The following PTPN4 variants were observed in gnomAD, a reference collection of about 807,000 sequenced individuals.
PTPN4 encodes protein tyrosine phosphatase non-receptor type 4.
In PTPN4, 49 loss-of-function variants were observed where a neutral mutation model predicts 135.5. The ratio of observed to expected loss-of-function variants is 0.36; its 90% confidence interval spans 0.29 to 0.46. The LOEUF is 0.46. PTPN4 is among the 20% of genes least tolerant of loss of function. The probability of loss-of-function intolerance (pLI) is 1.00; values close to 1 mark genes in which losing one functional copy is unlikely to be tolerated. For synonymous variants in PTPN4, 333 were observed against 369.9 expected (o/e 0.90, Z 1.14); for missense variants, 860 against 1,101.0 (o/e 0.78, Z 3.10).
At chr2:119,839,947 C>G (rs1677356029) in intron 2 of PTPN4, among the ~76,000 whole-genome samples, 1 of 152,108 alleles carries the variant, frequency 6.6e-6, no homozygotes, top group South Asian at 2.1e-4. Flanking sequence ...GAGGGGAAAA[C>G]AGGAAGGCCA....
At chr2:119,859,751 C>T (rs1677733730) in intron 2 of PTPN4, among the ~76,000 whole-genome samples, 1 of 152,196 alleles carries the variant, frequency 6.6e-6, no homozygotes, top group African/African-American at 2.4e-5. Context: ...CTACTCGGTA[C>T]TGTTTGGAAG....
chr2:119,872,800 ATGAGT>A (rs1677931785), intron 3 of PTPN4, among the ~76,000 whole-genome samples: 1 of 152,216 alleles, frequency 6.6e-6, no homozygotes, highest in Admixed American at 6.5e-5. Flanking sequence ...CAAATAATGA[ATGAGT>A]TAAGGGAAAA....
At chr2:119,913,087 T>G (rs563635168) in intron 10 of PTPN4, among the ~76,000 whole-genome samples, 80 of 152,330 alleles carry the variant, frequency 5.3e-4, no homozygotes, top group African/African-American at 1.8e-3. Context: ...CTGAATAATT[T>G]TCCATTTTAT....
chr2:119,773,561 C>G (rs1241466830), intron 1 of PTPN4, among the ~76,000 whole-genome samples: 1 of 151,776 alleles, frequency 6.6e-6, no homozygotes, highest in Non-Finnish European at 1.5e-5. Flanking sequence ...CATGGTGAAA[C>G]CCTGCATCTA....
intron 10 of PTPN4, among the ~76,000 whole-genome samples, chr2:119,908,315 G>C (rs1678518981): frequency 6.6e-6 from 1 of 152,106 alleles, no homozygotes; most frequent in South Asian, 2.1e-4. Context: ...TCAAATTGAA[G>C]GTTTGTGGCA....
chr2:119,928,617 C>T (rs942435193), intron 13 of PTPN4, among the ~76,000 whole-genome samples: 2 of 152,104 alleles, frequency 1.3e-5, no homozygotes, highest in Admixed American at 6.5e-5. Flanking sequence ...AATCTTCACA[C>T]CTAAATTACT....
At position 119,899,271 on chromosome 2, in the gene PTPN4, G is replaced by A. The variant is rs1043353162; in HGVS notation, c.676-1447G>A. ...TTGGAGTGGGATTATGGGACTGTTC[G>A]GAGTTAATTACCACAGCTGCTCCCT... On this transcript the variant is annotated intron_variant, in intron 9 of 26. Coordinates refer to ENST00000263708, the MANE Select transcript of PTPN4 (RefSeq NM_002830.4). Among the ~76,000 whole-genome samples the A allele has an allele frequency of 7.9e-5, 12 of 152,180 alleles. No homozygotes were observed. In the East Asian group the frequency reaches 1.9e-3, roughly 24 times the overall value.
At chr2:119,938,936 T>C (rs558194266) in intron 15 of PTPN4, among the ~76,000 whole-genome samples, 53 of 152,322 alleles carry the variant, frequency 3.5e-4, no homozygotes, top group African/African-American at 1.2e-3. Flanking sequence ...TATCATAGTG[T>C]TTACGAGCAC....
intron 26 of PTPN4, among the ~76,000 whole-genome samples, chr2:119,974,748 C>A (rs867388230): frequency 6.6e-6 from 1 of 152,168 alleles, no homozygotes; most frequent in Admixed American, 6.6e-5. Context: ...CCTCTGAGCA[C>A]TAAGGACTTT....
In PTPN4 at chr2:119,774,756, G is replaced by A. The variant is rs561300764; in HGVS notation, c.-18+14372G>A. Among the ~76,000 whole-genome samples, 145 of 152,140 alleles carry A rather than the reference G, an allele frequency of 9.5e-4. 2 individuals carry two copies. Among genetic ancestry groups the A allele is most frequent in the African/African-American group, 3.2e-3 (132 of 41,548 alleles). The stretch of plus-strand genomic sequence containing the variant: ...AGAAAATCACTGAGGGCCAGGCATG[G>A]TGGCTTATGCCTATAATCCCAGCAC... On this transcript the variant is annotated intron_variant, in intron 1 of 26. Transcript: ENST00000263708.
chr2:119,924,272 G>A, intron 12 of PTPN4, among the ~76,000 whole-genome samples: 1 of 151,078 alleles, frequency 6.6e-6, no homozygotes, highest in East Asian at 1.9e-4. Flanking sequence ...TAATATGAAT[G>A]GCAGTCTTTT....
At chr2:119,896,656 GT>G (rs1678328246) in intron 9 of PTPN4, among the ~76,000 whole-genome samples, 1 of 151,880 alleles carries the variant, frequency 6.6e-6, no homozygotes, top group Admixed American at 6.6e-5. Flanking sequence ...ATATATTTTT[GT>G]TTTTATTTAT....
At chr2:119,876,839 A>C (rs918624064) in intron 3 of PTPN4, among the ~76,000 whole-genome samples, 3 of 150,198 alleles carry the variant, frequency 2.0e-5, no homozygotes, top group African/African-American at 7.3e-5. Context: ...ATTTCTCCTC[A>C]GTGGATTTTC....
rs372422185 is a variant in PTPN4 at position 119,980,405 on chromosome 2, G to A, written c.*3335G>A. 3 of 152,152 alleles carry A rather than the reference G, an allele frequency of 2.0e-5. No homozygotes were observed. Among genetic ancestry groups the A allele is most frequent in the East Asian group, 3.9e-4 (2 of 5,180 alleles). The allele number at this position is 152,152 out of a possible 1,614,324, so 9.4% of individuals were successfully genotyped here. ...CTCCTGTCTTCTATCTCCACTAGAA[G>A]TACTGCAGCTTGAGAGCTGAAAGGA... On this transcript the variant is annotated 3_prime_UTR_variant, in exon 27 of 27. Transcript: ENST00000263708.
intron 2 of PTPN4, among the ~76,000 whole-genome samples, chr2:119,860,372 A>G (rs560253001): frequency 6.6e-6 from 1 of 152,300 alleles, no homozygotes; most frequent in East Asian, 1.9e-4. Context: ...TTTTACAAGG[A>G]AGCTTGTTCT....
chr2:119,849,327 G>T (rs1677555856), intron 2 of PTPN4, among the ~76,000 whole-genome samples: 1 of 152,078 alleles, frequency 6.6e-6, no homozygotes, highest in South Asian at 2.1e-4. Flanking sequence ...TTGAGATAGG[G>T]TGTTGCTTTG....
intron 1 of PTPN4, among the ~76,000 whole-genome samples, chr2:119,799,839 T>G (rs1287484356): frequency 1.3e-5 from 2 of 152,202 alleles, no homozygotes; most frequent in Admixed American, 1.3e-4. Context: ...GATCATGCTT[T>G]TAATGTAATT....
At chr2:119,956,170 C>A (rs1679278533) in intron 20 of PTPN4, among the ~76,000 whole-genome samples, 1 of 151,568 alleles carries the variant, frequency 6.6e-6, no homozygotes, top group South Asian at 2.1e-4. Flanking sequence ...CCCACGATCA[C>A]CCAGTGGATT....
At chr2:119,773,511 G>A (rs919123862) in intron 1 of PTPN4, among the ~76,000 whole-genome samples, 3 of 152,140 alleles carry the variant, frequency 2.0e-5, no homozygotes, top group African/African-American at 7.2e-5. Flanking sequence ...GTCAAGGCAG[G>A]TGGATCACGA....
Sources: gnomAD v4.1 joint callset for allele counts (sites outside exome capture counted in the v4.1 genomes callset) on GRCh38, gnomAD v4.1.1 for gene constraint, MANE v1.5 for transcripts, NCBI Gene and HGNC (gene_info 2026-07-23, HGNC 2026-07-21) for gene names.